SHOX: variants seen among roughly 807,000 people sequenced by gnomAD.
The protein encoded by SHOX is short stature homeobox protein.
Under a neutral mutation model 29.6 loss-of-function variants are expected in SHOX, and 12 were observed. That is an observed-to-expected ratio of 0.41 (90% CI 0.26 to 0.66). The LOEUF (loss-of-function observed/expected upper bound fraction) is 0.66. SHOX is among the 30% of genes least tolerant of loss of function. The probability of loss-of-function intolerance (pLI) is 0.35; values close to 1 mark genes in which losing one functional copy is unlikely to be tolerated. For missense variants in SHOX, 499 were observed against 437.7 expected, an observed-to-expected ratio of 1.14 and a Z score of -1.25; for synonymous variants, 214 against 200.6, an observed-to-expected ratio of 1.07 and a Z score of -0.57.
At chrX:643,342 CG>C (rs1422590163) in intron 4 of SHOX, among the ~76,000 whole-genome samples, 16 of 124,720 alleles carry the variant, frequency 1.3e-4, no homozygotes, top group Admixed American at 6.5e-4. Flanking sequence ...CCTGGTGTCC[CG>C]GGAGAGGCTT....
chrX:648,260 G>C lies in SHOX; in HGVS notation c.*3624G>C, dbSNP rs1160517165. On this transcript the variant is annotated 3_prime_UTR_variant, in exon 5 of 5. Transcript: ENST00000686671. ...GTATTTTTAGTACAGACAGGGTTTCGGCCTCCTGAGTAGCTGGGATTACAG... is the reference window on the plus strand; with the variant it reads ...GTATTTTTAGTACAGACAGGGTTTCCGCCTCCTGAGTAGCTGGGATTACAG... 7.2e-6 allele frequency among the ~76,000 whole-genome samples: 1 copy of C among 137,992 alleles called. No homozygotes were observed. The highest frequency in any genetic ancestry group is 2.8e-5 in the African/African-American group (1 of 35,464). 90.5% of individuals were successfully genotyped at this position (137,992 alleles called of 152,430 possible). A position where few individuals can be genotyped will look rare whatever the true frequency, so the allele number is the denominator to read the frequency against.
At chrX:631,424 G>A (rs2052646644) in intron 1 of SHOX, among the ~76,000 whole-genome samples, 1 of 152,222 alleles carries the variant, frequency 6.6e-6, no homozygotes. Flanking sequence ...CGCGCGCGTG[G>A]GCACCGACAC....
At chrX:640,717 C>T in intron 2 of SHOX, 104 bp from the exon 3 acceptor site, 4 of 1,306,924 alleles carry the variant, frequency 3.1e-6, no homozygotes, top group Non-Finnish European at 4.4e-6. Flanking sequence ...TCCCAGCTCC[C>T]AGAGGTGCAA....
rs1394902472 is a variant in SHOX, at chrX:649,198, C to T, written c.*4562C>T. 2.6e-5 allele frequency among the ~76,000 whole-genome samples: 4 copies of T among 151,944 alleles called. No individual in the cohort carries two copies. The highest frequency in any genetic ancestry group is 3.9e-4 in the East Asian group (2 of 5,164). On this transcript the variant is annotated 3_prime_UTR_variant, in exon 5 of 5. Coordinates refer to ENST00000686671, the MANE Select transcript of SHOX (RefSeq NM_000451.4). ...GATGACAGGCACCCACCACCATTCC[C>T]GGATAATTTTTGTATTTTTTAGTAG...
At chrX:627,152 A>C (rs1187057999), upstream of SHOX, among the ~76,000 whole-genome samples, 2 of 152,096 alleles carry the variant, frequency 1.3e-5, no homozygotes. Context: ...AGGCCAAGAG[A>C]GGTGCAGACC....
intron 1 of SHOX, among the ~76,000 whole-genome samples, chrX:634,198 C>G (rs1479430425): frequency 1.3e-5 from 2 of 152,220 alleles, no homozygotes; most frequent in Non-Finnish European, 2.9e-5. Context: ...TCTCCGTAGG[C>G]CTAGAATCTG....
rs1168989193 is a variant in SHOX at position 645,390 on chromosome X, ATTTTTTTTTTTTTTTTTTTT to A, written c.*768_*787del. On this transcript the variant is annotated 3_prime_UTR_variant, in exon 5 of 5. Coordinates refer to ENST00000686671, the MANE Select transcript of SHOX (RefSeq NM_000451.4). ...GGGTCTGGTTTTGTTTTGGATTGGTATTTTTTTTTTTTTTTTTTTTTTTTTTTTTTTTTGCTGTGTTACAG... is the reference window on the plus strand; with the variant it reads ...GGGTCTGGTTTTGTTTTGGATTGGTATTTTTTTTTTTTTGCTGTGTTACAG... The A allele has an allele frequency of 3.8e-5, 3 of 78,364 alleles. No individual in the cohort carries two copies. Among genetic ancestry groups the A allele is most frequent in the East Asian group, 4.7e-4 (1 of 2,110 alleles). 4.9% of individuals were successfully genotyped at this position (78,364 alleles called of 1,614,324 possible).
At chrX:629,587 C>G (rs1406938287), upstream of SHOX, among the ~76,000 whole-genome samples, 1 of 152,092 alleles carries the variant, frequency 6.6e-6, no homozygotes, top group Non-Finnish European at 1.5e-5. Context: ...CTGTCTCTCT[C>G]TTTCTGTGTC....
rs752020837 is a variant in SHOX, at chrX:644,478, T to C, written c.721T>C (p.Phe241Leu). Residue 241 changes from phenylalanine to leucine, a missense_variant, in exon 5 of 5, where the codon TTC becomes CTC. Transcript: ENST00000686671. The stretch of plus-strand genomic sequence containing the variant: ...GGCGGCGCACGCGCCCTACCTGATG[T>C]TCCCCCCGCCGCCCTTCGGGCTGCC... ...HLAAHAPYLM[F>L]PPPPFGLPIA... is the part of the protein sequence containing the mutation. The C allele has an allele frequency of 3.3e-6, 5 of 1,523,430 alleles. No individual in the cohort carries two copies. In the South Asian group the frequency reaches 3.6e-5, roughly 11 times the overall value. The allele number at this position is 1,523,430 out of a possible 1,614,324, so 94.4% of individuals were successfully genotyped here.
chrX:633,626 A>T (rs1276988628), intron 1 of SHOX, among the ~76,000 whole-genome samples: 1 of 151,982 alleles, frequency 6.6e-6, no homozygotes, highest in African/African-American at 2.4e-5. Context: ...TGCCCCTTTG[A>T]GACTGTTTCC....
In SHOX at chrX:649,742, C is replaced by G. The variant is rs145795647; in HGVS notation, c.*5106C>G. 6.5e-3 allele frequency among the ~76,000 whole-genome samples: 989 copies of G among 152,262 alleles called. 13 individuals carry two copies. Among genetic ancestry groups the G allele is most frequent in the African/African-American group, 0.022 (922 of 41,554 alleles). On this transcript the variant is annotated 3_prime_UTR_variant, in exon 5 of 5. Transcript: ENST00000686671. ...TGATAGGAACACGTTGCTGGCCGAA[C>G]TGAACGATGCTGGGTTGGGTCCTGA...
rs1264466746 is a variant in SHOX at position 649,035 on chromosome X, TTTTC to T, written c.*4406_*4409del. Among the ~76,000 whole-genome samples the T allele has an allele frequency of 1.3e-5, 1 of 79,562 alleles. No individual in the cohort carries two copies. The highest frequency in any genetic ancestry group is 3.4e-5 in the Non-Finnish European group (1 of 29,828). 52.2% of individuals were successfully genotyped at this position (79,562 alleles called of 152,430 possible). ...TCTTTCTTTCTTTTTCTTTCTTTCTTTTTCTTTCTTCTTTCTTTCTTCGATGAAG... is the reference window on the plus strand; with the variant it reads ...TCTTTCTTTCTTTTTCTTTCTTTCTTTTTCTTCTTTCTTTCTTCGATGAAG... On this transcript the variant is annotated 3_prime_UTR_variant, in exon 5 of 5. Coordinates refer to ENST00000686671, the MANE Select transcript of SHOX (RefSeq NM_000451.4).
In SHOX at chrX:650,791, T is replaced by TA. The variant is rs1569495959; in HGVS notation, c.*6155_*6156insA. On this transcript the variant is annotated 3_prime_UTR_variant, in exon 5 of 5. Transcript: ENST00000686671. ...AGGCTTTCGGTGGACACGTTTGACA[T>TA]TAAAAAAAAAAAAAAAAAAAAAAAA... 7.0e-4 allele frequency among the ~76,000 whole-genome samples: 21 copies of TA among 29,870 alleles called. 1 individual carries two copies. Among genetic ancestry groups the TA allele is most frequent in the African/African-American group, 2.5e-3 (21 of 8,434 alleles). The allele number at this position is 29,870 out of a possible 152,430, so 19.6% of individuals were successfully genotyped here.
At chrX:652,340 A>ATTTTTTTTTTT (rs746162755), downstream of SHOX, among the ~76,000 whole-genome samples, 1 of 135,160 alleles carries the variant, frequency 7.4e-6, no homozygotes, top group African/African-American at 2.8e-5. Context: ...AAAATGACAA[A>ATTTTTTTTTTT]TTTTTTTTTT....
upstream of SHOX, among the ~76,000 whole-genome samples, chrX:625,856 C>T (rs375720327): frequency 2.9e-5 from 4 of 136,994 alleles, no homozygotes; most frequent in East Asian, 6.3e-4. Context: ...GTCTCTGTAT[C>T]TCTGTCTATC....
intron 4 of SHOX, among the ~76,000 whole-genome samples, chrX:643,175 TC>T: frequency 7.2e-6 from 1 of 138,148 alleles, no homozygotes; most frequent in Non-Finnish European, 1.5e-5. Context: ...GGATCTGGTG[TC>T]CCAGGAGAGG....
downstream of SHOX, among the ~76,000 whole-genome samples, chrX:656,285 TCAAA>T (rs2053145539): frequency 7.4e-6 from 1 of 134,764 alleles, no homozygotes; most frequent in African/African-American, 3.0e-5. Flanking sequence ...CTCCAAAAAA[TCAAA>T]AATTTAGCCA....
At chrX:651,594 TAA>T (rs754859715), downstream of SHOX, 46 of 163,684 alleles carry the variant, frequency 2.8e-4, no homozygotes, top group South Asian at 6.6e-4. Context: ...ATTCAAGTGT[TAA>T]AAAAAAAAAA....
At chrX:634,323 C>G (rs955395814) in intron 1 of SHOX, among the ~76,000 whole-genome samples, 4 of 134,262 alleles carry the variant, frequency 3.0e-5, no homozygotes, top group African/African-American at 7.6e-5. Flanking sequence ...ACCCCACTCT[C>G]CTTAAAAAAA....
Sources: gnomAD v4.1 joint callset for allele counts (sites outside exome capture counted in the v4.1 genomes callset) on GRCh38, gnomAD v4.1.1 for gene constraint, MANE v1.5 for transcripts, NCBI Gene and HGNC (gene_info 2026-07-23, HGNC 2026-07-21) for gene names.